PHEX: variants seen among roughly 807,000 people sequenced by gnomAD.
PHEX encodes the protein phosphate regulating endopeptidase X-linked, also known as phosphate-regulating neutral endopeptidase PHEX.
PHEX carries 16 observed loss-of-function variants against 68.0 expected under a neutral mutation model. The observed-to-expected ratio is 0.24, with a 90% confidence interval of 0.16 to 0.36. The LOEUF (loss-of-function observed/expected upper bound fraction) is 0.36. PHEX is among the 10% of genes least tolerant of loss of function. PHEX has a pLI of 1.00. For synonymous variants in PHEX, 208 were observed against 205.1 expected, an observed-to-expected ratio of 1.01 and a Z score of -0.12; for missense variants, 480 against 575.5, an observed-to-expected ratio of 0.83 and a Z score of 1.70.
intron 9 of PHEX, among the ~76,000 whole-genome samples, chrX:22,106,407 C>T (rs73462624): frequency 0.031 from 3,431 of 111,601 alleles, 131 homozygotes; most frequent in African/African-American, 0.11. Context: ...TTTGTGCCCA[C>T]AGATTTCTGT....
At chrX:22,198,464 G>C (rs929042249) in intron 15 of PHEX, among the ~76,000 whole-genome samples, 29 of 110,303 alleles carry the variant, frequency 2.6e-4, no homozygotes, top group Non-Finnish European at 4.0e-4. Context: ...ATTAAGCCTG[G>C]GGGAGTCAAG....
intron 13 of PHEX, among the ~76,000 whole-genome samples, chrX:22,170,785 C>T (rs1015086282): frequency 8.9e-6 from 1 of 112,291 alleles, no homozygotes; most frequent in Non-Finnish European, 1.9e-5. Context: ...CATTCTGTTG[C>T]TAAGTTCAGA....
intron 9 of PHEX, among the ~76,000 whole-genome samples, chrX:22,103,654 G>C (rs1172147354): frequency 8.9e-6 from 1 of 112,262 alleles, no homozygotes; most frequent in African/African-American, 3.2e-5. Context: ...TTATGGCTGA[G>C]TAGTATTCCA....
rs1247898023 is a variant in PHEX, at chrX:22,249,451, A to ATATATATATATAT, written c.*1498_*1499insTATATATATATAT. 3 of 28,500 alleles carry ATATATATATATAT rather than the reference A, an allele frequency of 1.1e-4. No homozygotes were observed. Among genetic ancestry groups the ATATATATATATAT allele is most frequent in the African/African-American group, 6.2e-4 (3 of 4,817 alleles). 2.3% of individuals were successfully genotyped at this position (28,500 alleles called of 1,213,427 possible). ...TGATTTGTGATTCTTTTAAAAAAAA[A>ATATATATATATAT]AAAAATATATATATATATATATATA... On this transcript the variant is annotated 3_prime_UTR_variant, in exon 22 of 22. Coordinates refer to ENST00000379374, the MANE Select transcript of PHEX (RefSeq NM_000444.6).
chrX:22,240,244 TGAACACA>T (rs1936136507), intron 20 of PHEX, among the ~76,000 whole-genome samples: 1 of 112,245 alleles, frequency 8.9e-6, no homozygotes, highest in Non-Finnish European at 1.9e-5. Context: ...AAAGAAGCAC[TGAACACA>T]GAAAGGAACA....
intron 3 of PHEX, among the ~76,000 whole-genome samples, chrX:22,056,763 AAATAATAATAATAATAATAAT>A (rs59624310): frequency 3.2e-5 from 3 of 93,290 alleles, no homozygotes; most frequent in African/African-American, 1.2e-4. Context: ...CTCTGTCTCA[AAATAATAATAATAATAATAAT>A]AATAATAATA....
chrX:22,087,180 C>G (rs749586304), intron 5 of PHEX, among the ~76,000 whole-genome samples: 64 of 112,145 alleles, frequency 5.7e-4, no homozygotes, highest in Non-Finnish European at 7.1e-4. Flanking sequence ...GAAACTTTGG[C>G]TTTCTTGATA....
chrX:22,034,871 T>A (rs1926940310), intron 1 of PHEX, among the ~76,000 whole-genome samples: 1 of 111,884 alleles, frequency 8.9e-6, no homozygotes, highest in Non-Finnish European at 1.9e-5. Flanking sequence ...TTTGGATGTA[T>A]ACATTCAGGG....
At chrX:22,039,471 G>A (rs946230881) in intron 2 of PHEX, among the ~76,000 whole-genome samples, 2 of 112,178 alleles carry the variant, frequency 1.8e-5, no homozygotes, top group Non-Finnish European at 3.8e-5. Context: ...ATCCCATCCC[G>A]AGATGGGGCC....
intron 3 of PHEX, among the ~76,000 whole-genome samples, chrX:22,061,414 T>C (rs1156964029): frequency 9.0e-6 from 1 of 111,477 alleles, no homozygotes; most frequent in Admixed American, 9.6e-5. Context: ...CAAGCATCTT[T>C]ACAATGTGAC....
chrX:22,194,879 A>T (rs12010659), intron 15 of PHEX, among the ~76,000 whole-genome samples: 14,770 of 112,067 alleles, frequency 0.13, 2,349 homozygotes, highest in African/African-American at 0.45. Context: ...TGAGGAGTTA[A>T]ACTCAGTAGC....
chrX:22,247,467 C>G (rs1463427265), intron 21 of PHEX, among the ~76,000 whole-genome samples: 2 of 112,013 alleles, frequency 1.8e-5, no homozygotes, highest in Middle Eastern at 4.6e-3. Flanking sequence ...ATGTCTTGAT[C>G]TGGCAGATAG....
chrX:22,167,836 ATTGAG>A (rs765632752), intron 12 of PHEX, among the ~76,000 whole-genome samples: 1 of 110,852 alleles, frequency 9.0e-6, no homozygotes, highest in African/African-American at 3.3e-5. Flanking sequence ...CTTTCTTGAT[ATTGAG>A]TTGAGTTTTA....
chrX:22,166,632 G>C (rs1457986576), intron 12 of PHEX, among the ~76,000 whole-genome samples: 1 of 110,603 alleles, frequency 9.0e-6, no homozygotes, highest in East Asian at 2.8e-4. Context: ...TCATTTTTGT[G>C]GTAAGAACAT....
At chrX:22,246,338 G>A (rs970472911) in intron 21 of PHEX, among the ~76,000 whole-genome samples, 11 of 111,640 alleles carry the variant, frequency 9.9e-5, no homozygotes, top group African/African-American at 3.3e-4. Flanking sequence ...TATATTTAAT[G>A]TTTAAACAGA....
At chrX:22,093,643 A>G (rs1929998319) in intron 6 of PHEX, among the ~76,000 whole-genome samples, 1 of 112,100 alleles carries the variant, frequency 8.9e-6, no homozygotes, top group Admixed American at 9.4e-5. Flanking sequence ...ACTTGTCTGG[A>G]AAGAGGAAGT....
chrX:22,040,863 C>T (rs186605711), intron 2 of PHEX, among the ~76,000 whole-genome samples: 1 of 109,655 alleles, frequency 9.1e-6, no homozygotes, highest in African/African-American at 3.3e-5. Flanking sequence ...AAAGATGTCT[C>T]GGTGGAGGGC....
At chrX:22,091,322 T>A (rs1004010383) in intron 6 of PHEX, among the ~76,000 whole-genome samples, 1 of 111,412 alleles carries the variant, frequency 9.0e-6, no homozygotes, top group Non-Finnish European at 1.9e-5. Flanking sequence ...GGGGAGGGTG[T>A]ACCCCTGGTA....
rs777560709 is a variant in PHEX, at chrX:22,168,363, A to G, written c.1456A>G (p.Thr486Ala). 8.4e-7 allele frequency: 1 copy of G among 1,190,585 alleles called. No individual in the cohort carries two copies. The highest frequency in any genetic ancestry group is 1.1e-6 in the Non-Finnish European group (1 of 877,008). ...VGYPEFIMNDTHVNEDLKAIK... is the reference protein window; with the variant it reads ...VGYPEFIMNDAHVNEDLKAIK... ...CTATCCAGAGTTTATAATGAATGAT[A>G]CTCATGTTAATGAAGACCTCAAAGC... The change falls in exon 13 of 22, where the codon ACT becomes GCT. Residue 486 changes from threonine (T) to alanine (A), a missense_variant. Coordinates refer to ENST00000379374, the MANE Select transcript of PHEX (RefSeq NM_000444.6).
Sources: allele counts gnomAD v4.1 joint callset (sites outside exome capture counted in the v4.1 genomes callset), GRCh38; gene constraint gnomAD v4.1.1; transcripts MANE v1.5; gene names NCBI Gene and HGNC (gene_info 2026-07-23, HGNC 2026-07-21).